The following MKX variants were observed in gnomAD, a reference collection of about 807,000 sequenced individuals.
MKX encodes homeobox protein Mohawk.
In MKX, 13 loss-of-function variants were observed where a neutral mutation model predicts 36.0. That is an observed-to-expected ratio of 0.36 (90% confidence interval 0.24 to 0.57). The LOEUF is 0.57. MKX is among the 20% of genes least tolerant of loss of function. The probability of loss-of-function intolerance (pLI) is 0.79; values close to 1 mark genes in which losing one functional copy is unlikely to be tolerated. For synonymous variants in MKX, 176 were observed against 178.3 expected (o/e 0.99, Z 0.10); for missense variants, 458 against 456.4 (o/e 1.00, Z -0.03).
chr10:27,694,527 A>AAAAATATAT (rs547670335), intron 5 of MKX, among the ~76,000 whole-genome samples: 8,728 of 114,030 alleles, frequency 0.077, 428 homozygotes, highest in Middle Eastern at 0.12. Flanking sequence ...AAAAAAAAAA[A>AAAAATATAT]ATATATATAT....
chr10:27,717,888 G>A (rs1464856391), intron 5 of MKX, among the ~76,000 whole-genome samples: 2 of 152,182 alleles, frequency 1.3e-5, no homozygotes, highest in Non-Finnish European at 2.9e-5. Flanking sequence ...ATGATGATAA[G>A]TGCCCTGCAA....
chr10:27,690,484 G>T (rs920380026), intron 5 of MKX, among the ~76,000 whole-genome samples: 4 of 152,160 alleles, frequency 2.6e-5, no homozygotes. Flanking sequence ...TTTGTCTGAG[G>T]CACTGGATTT....
chr10:27,716,284 A>T (rs1355806399), intron 5 of MKX, among the ~76,000 whole-genome samples: 1 of 152,046 alleles, frequency 6.6e-6, no homozygotes, highest in East Asian at 1.9e-4. Flanking sequence ...TAATCTAGCC[A>T]GCTACCTTAG....
chr10:27,741,451 A>T lies in MKX; in HGVS notation c.242T>A (p.Met81Lys), dbSNP rs1834893141. The T allele has an allele frequency of 6.2e-7, 1 of 1,611,440 alleles. No homozygotes were observed. The highest frequency in any genetic ancestry group is 8.5e-7 in the Non-Finnish European group (1 of 1,179,076). The change falls in exon 3 of 7, where the codon ATG becomes AAG. Residue 81 changes from methionine (M) to lysine (K), a missense_variant. By Grantham distance (95) the Met-to-Lys change is moderately conservative (BLOSUM62 -1). Coordinates refer to ENST00000419761, the MANE Select transcript of MKX (RefSeq NM_173576.3). This position sits in a 1 kb window ranked among gnomAD's most constrained non-coding sequence, Gnocchi z 5.1. ...AAGCCACTGCTTGAGGGGTCGCGCC[A>T]TGTCTTGCAGGGCCTGCCGCTTGTG... ...VRHKRQALQD[M>K]ARPLKQWLYK...
chr10:27,716,233 C>T (rs1271577311), intron 5 of MKX, among the ~76,000 whole-genome samples: 4 of 151,956 alleles, frequency 2.6e-5, no homozygotes, highest in African/African-American at 9.7e-5. Context: ...TAAATAGCAG[C>T]CATTATTATG....
At chr10:27,694,403 G>A (rs1469894384) in intron 5 of MKX, among the ~76,000 whole-genome samples, 9 of 151,186 alleles carry the variant, frequency 6.0e-5, no homozygotes, top group East Asian at 3.9e-4. Flanking sequence ...TCCCCAGGCT[G>A]GGCACGGTGG....
chr10:27,694,209 C>A (rs1288471870), intron 5 of MKX, among the ~76,000 whole-genome samples: 1 of 151,908 alleles, frequency 6.6e-6, no homozygotes, highest in Non-Finnish European at 1.5e-5. Context: ...TTTTAACAAC[C>A]ACTAACATAC....
At chr10:27,686,644 T>C (rs1048146775) in intron 5 of MKX, among the ~76,000 whole-genome samples, 1 of 151,978 alleles carries the variant, frequency 6.6e-6, no homozygotes, top group Non-Finnish European at 1.5e-5. Context: ...GCCCAGCTAA[T>C]TTTTGTATTT....
chr10:27,738,616 A>G (rs1834828354), intron 3 of MKX, among the ~76,000 whole-genome samples: 1 of 152,048 alleles, frequency 6.6e-6, no homozygotes, highest in Non-Finnish European at 1.5e-5. Context: ...TATGATTTAT[A>G]TCAGTATCTA....
chr10:27,680,646 G>A (rs1395411395), intron 5 of MKX, among the ~76,000 whole-genome samples: 3 of 152,168 alleles, frequency 2.0e-5, no homozygotes, highest in Middle Eastern at 3.4e-3. Flanking sequence ...AGACCAAAAC[G>A]TGGCCAAATC....
At chr10:27,720,793 T>G (rs1834358834) in intron 5 of MKX, among the ~76,000 whole-genome samples, 1 of 151,934 alleles carries the variant, frequency 6.6e-6, no homozygotes, top group Non-Finnish European at 1.5e-5. Flanking sequence ...ATGCAATAAA[T>G]GGAGAGAGGA....
intron 5 of MKX, among the ~76,000 whole-genome samples, chr10:27,698,439 G>C (rs1001036023): frequency 2.6e-5 from 4 of 152,170 alleles, no homozygotes; most frequent in South Asian, 2.1e-4. Flanking sequence ...GGAGTAGCAG[G>C]GGGGATGGAA....
intron 5 of MKX, among the ~76,000 whole-genome samples, chr10:27,697,018 A>C (rs961310004): frequency 1.3e-5 from 2 of 152,204 alleles, no homozygotes; most frequent in African/African-American, 4.8e-5. Context: ...AAAGACTTAA[A>C]TTGTATCACT....
intron 5 of MKX, among the ~76,000 whole-genome samples, chr10:27,720,666 T>C (rs1273746380): frequency 6.6e-6 from 1 of 152,134 alleles, no homozygotes; most frequent in Admixed American, 6.6e-5. Context: ...ATAAAGTGAT[T>C]ACACCAGAAA....
intron 5 of MKX, among the ~76,000 whole-genome samples, chr10:27,732,025 T>A (rs549112721): frequency 6.6e-6 from 1 of 152,230 alleles, no homozygotes. Context: ...ATTTGTACTG[T>A]CATAACTGTA....
intron 5 of MKX, among the ~76,000 whole-genome samples, chr10:27,719,383 G>A (rs1348249008): frequency 6.6e-6 from 1 of 152,064 alleles, no homozygotes; most frequent in Non-Finnish European, 1.5e-5. Context: ...TATCAGTTAC[G>A]AGACAGCTGT....
chr10:27,743,037 C>G (rs1834944225), intron 2 of MKX, among the ~76,000 whole-genome samples, 191 bp downstream of exon 2: 2 of 152,252 alleles, frequency 1.3e-5, no homozygotes, highest in Non-Finnish European at 2.9e-5. Context: ...ACGAATTGAT[C>G]CCTCATGTTT....
In MKX at chr10:27,673,264, G is replaced by T. The variant is rs913714040; in HGVS notation, c.*1965C>A. On this transcript the variant is annotated 3_prime_UTR_variant, in exon 7 of 7. Transcript: ENST00000419761. ...CTTGTCATCTATAATTTATAACATA[G>T]AAGAAATTTGCTGATTTTTTTAAAA... 4 of 152,168 alleles carry T rather than the reference G, an allele frequency of 2.6e-5. No homozygotes were observed. The highest frequency in any genetic ancestry group is 7.2e-5 in the African/African-American group (3 of 41,392). 9.4% of individuals were successfully genotyped at this position (152,168 alleles called of 1,614,324 possible). A position where few individuals can be genotyped will look rare whatever the true frequency, so the allele number is the denominator to read the frequency against.
chr10:27,732,305 C>T (rs1232560611), intron 5 of MKX, among the ~76,000 whole-genome samples: 1 of 152,104 alleles, frequency 6.6e-6, no homozygotes, highest in Non-Finnish European at 1.5e-5. Flanking sequence ...ATTGGATTGA[C>T]TAAAAATCTT....
Sources: allele counts gnomAD v4.1 joint callset (sites outside exome capture counted in the v4.1 genomes callset), GRCh38; gene constraint gnomAD v4.1.1; non-coding constraint Gnocchi (gnomAD v3.1); transcripts MANE v1.5; gene names NCBI Gene and HGNC (gene_info 2026-07-23, HGNC 2026-07-21).